Variants in GABRG3 observed in about 807,000 individuals in gnomAD.
GABRG3 encodes gamma-aminobutyric acid type A receptor subunit gamma3.
A neutral mutation model predicts 48.8 loss-of-function variants in GABRG3; 25 were observed. That is an observed-to-expected ratio of 0.51 (90% CI 0.37 to 0.72). The LOEUF (loss-of-function observed/expected upper bound fraction) is 0.72, where lower values mean the gene tolerates loss of function less well. Among genes scored for constraint, GABRG3 ranks in the 30% least tolerant of loss-of-function variants. The pLI, the probability that GABRG3 is intolerant of heterozygous loss-of-function variation, is 0.00. For synonymous variants in GABRG3, 227 were observed against 217.6 expected, an observed-to-expected ratio of 1.04 and a Z score of -0.38; for missense variants, 394 against 577.9, an observed-to-expected ratio of 0.68 and a Z score of 3.26.
intron 3 of GABRG3, among the ~76,000 whole-genome samples, chr15:27,285,254 G>GGTGTGTGTGTGTGT: frequency 7.0e-6 from 1 of 142,560 alleles, no homozygotes; most frequent in East Asian, 2.2e-4. Flanking sequence ...TGAGCTTTCA[G>GGTGTGTGTGTGTGT]GTGTGTGTGT....
Position 26,990,344 on chromosome 15 carries a change from G to A in GABRG3, c.202+13194G>A, listed in dbSNP as rs568570709. On this transcript the variant is annotated intron_variant, in intron 2 of 9. Transcript: ENST00000615808. ...AACTGGGGTGAGAGGATATCTCATAGTTTTGATTTGCATTTCTCTGATTAT... is the reference window on the plus strand; with the variant it reads ...AACTGGGGTGAGAGGATATCTCATAATTTTGATTTGCATTTCTCTGATTAT... 4.9e-4 allele frequency among the ~76,000 whole-genome samples: 74 copies of A among 152,310 alleles called. 1 individual carries two copies. The South Asian group carries it at 0.015, about 32-fold the overall frequency.
At chr15:27,328,974 G>C (rs1219301176) in intron 5 of GABRG3, 86 bp downstream of exon 5, 9 of 1,092,474 alleles carry the variant, frequency 8.2e-6, no homozygotes, top group Non-Finnish European at 1.3e-5. Context: ...TCATGTGATT[G>C]ATCACAGTGT....
chr15:27,017,836 C>G (rs1439281770), intron 2 of GABRG3, among the ~76,000 whole-genome samples: 1 of 152,158 alleles, frequency 6.6e-6, no homozygotes, highest in Non-Finnish European at 1.5e-5. Context: ...AAAGTAGGGT[C>G]TGGGGCTTTC....
At chr15:27,218,575 T>A (rs1382007679) in intron 3 of GABRG3, among the ~76,000 whole-genome samples, 1 of 152,186 alleles carries the variant, frequency 6.6e-6, no homozygotes, top group Non-Finnish European at 1.5e-5. Context: ...GCTCAGCGTC[T>A]CCACTCGGTT....
Position 27,535,784 on chromosome 15 carries a change from G to C in GABRG3, c.*2903G>C, listed in dbSNP as rs1891534042. ...GTGCCTTGGTGAGGTGCAGAGCTCA[G>C]GGGATTTTTAATCATGTACATGTTT... On this transcript the variant is annotated 3_prime_UTR_variant, in exon 10 of 10. Coordinates refer to ENST00000615808, the MANE Select transcript of GABRG3 (RefSeq NM_033223.5). 1 of 152,288 alleles carries C rather than the reference G, an allele frequency of 6.6e-6. No homozygotes were observed. Among genetic ancestry groups the C allele is most frequent in the Admixed American group, 6.5e-5 (1 of 15,286 alleles). The allele number at this position is 152,288 out of a possible 1,614,324, so 9.4% of individuals were successfully genotyped here.
intron 2 of GABRG3, among the ~76,000 whole-genome samples, chr15:26,989,618 A>G (rs559526274): frequency 6.6e-6 from 1 of 152,114 alleles, no homozygotes; most frequent in East Asian, 1.9e-4. Flanking sequence ...GTGTTTTTTT[A>G]TGTTACAAAC....
intron 6 of GABRG3, among the ~76,000 whole-genome samples, chr15:27,510,566 G>C (rs954769146): frequency 6.6e-6 from 1 of 152,162 alleles, no homozygotes; most frequent in South Asian, 2.1e-4. Flanking sequence ...GGCTTTCTCA[G>C]GATTCTCCTT....
At chr15:27,466,876 GA>G (rs1020444800) in intron 5 of GABRG3, among the ~76,000 whole-genome samples, 3 of 152,222 alleles carry the variant, frequency 2.0e-5, no homozygotes, top group African/African-American at 7.2e-5. Flanking sequence ...AGAGCCCAGT[GA>G]AAAGGGAAAA....
chr15:27,120,171 GATGCCAGATCTGCTTTTAC>G (rs1203888302), intron 3 of GABRG3, among the ~76,000 whole-genome samples: 34 of 152,216 alleles, frequency 2.2e-4, no homozygotes, highest in African/African-American at 6.5e-4. Context: ...TAGAAAGCCT[GATGCCAGATCTGCTTTTAC>G]ATGCCAGATC....
intron 2 of GABRG3, among the ~76,000 whole-genome samples, chr15:26,989,356 C>T (rs1474746140): frequency 6.6e-6 from 1 of 152,052 alleles, no homozygotes; most frequent in Non-Finnish European, 1.5e-5. Context: ...AGTGGATATT[C>T]TAAATAATGA....
intron 5 of GABRG3, among the ~76,000 whole-genome samples, chr15:27,428,548 C>G (rs1888358672): frequency 6.6e-6 from 1 of 152,218 alleles, no homozygotes; most frequent in African/African-American, 2.4e-5. Context: ...AATTTATTGA[C>G]ACTTTTTTTA....
chr15:27,463,915 C>T (rs1889525423), intron 5 of GABRG3, among the ~76,000 whole-genome samples: 3 of 152,126 alleles, frequency 2.0e-5, no homozygotes, highest in African/African-American at 7.2e-5. Flanking sequence ...AGCAAACCCA[C>T]GTGCCCCTCC....
intron 3 of GABRG3, among the ~76,000 whole-genome samples, chr15:27,046,879 T>C (rs1896375040): frequency 6.6e-6 from 1 of 152,038 alleles, no homozygotes; most frequent in Admixed American, 6.5e-5. Flanking sequence ...AGGAATTTGA[T>C]GTTTTCAGAC....
chr15:27,222,581 G>A (rs1566970405), intron 3 of GABRG3, among the ~76,000 whole-genome samples: 1 of 152,166 alleles, frequency 6.6e-6, no homozygotes, highest in African/African-American at 2.4e-5. Context: ...TAGTCACTTA[G>A]TCTCTCAGTG....
At chr15:27,034,129 T>C (rs1214299283) in intron 3 of GABRG3, among the ~76,000 whole-genome samples, 1 of 152,220 alleles carries the variant, frequency 6.6e-6, no homozygotes, top group Non-Finnish European at 1.5e-5. Context: ...CATACACAAC[T>C]TACCCTGTAT....
At chr15:27,375,627 C>T (rs1895570156) in intron 5 of GABRG3, among the ~76,000 whole-genome samples, 1 of 152,146 alleles carries the variant, frequency 6.6e-6, no homozygotes, top group Non-Finnish European at 1.5e-5. Context: ...GCACATCTTG[C>T]ATAGGAGCAG....
intron 5 of GABRG3, among the ~76,000 whole-genome samples, chr15:27,388,700 A>C (rs143032290): frequency 9.8e-4 from 149 of 152,274 alleles, no homozygotes; most frequent in African/African-American, 3.3e-3. Flanking sequence ...TCTGCAGTAG[A>C]AGTGTGTGGA....
intron 3 of GABRG3, among the ~76,000 whole-genome samples, chr15:27,156,149 A>G (rs964609746): frequency 3.3e-5 from 5 of 151,560 alleles, no homozygotes; most frequent in Non-Finnish European, 5.9e-5. Context: ...AATACAAAAA[A>G]TTAGCTGGGT....
rs1208404293 is a variant in GABRG3, at chr15:27,537,127, A to T, written c.*4246A>T. 17 of 119,016 alleles carry T rather than the reference A, an allele frequency of 1.4e-4. No individual in the cohort carries two copies. The East Asian group carries it at 3.7e-3, about 26-fold the overall frequency. The allele number at this position is 119,016 out of a possible 1,614,324, so 7.4% of individuals were successfully genotyped here. A position where few individuals can be genotyped will look rare whatever the true frequency, so the allele number is the denominator to read the frequency against. ...GAAATTTCATCTGCAATTTCTGTAA[A>T]AAAAAAAAAAAAAAAAAAGAATGGC... On this transcript the variant is annotated 3_prime_UTR_variant, in exon 10 of 10. Coordinates refer to ENST00000615808, the MANE Select transcript of GABRG3 (RefSeq NM_033223.5).
Sources: allele counts gnomAD v4.1 joint callset (sites outside exome capture counted in the v4.1 genomes callset), GRCh38; gene constraint gnomAD v4.1.1; transcripts MANE v1.5; gene names NCBI Gene and HGNC (gene_info 2026-07-23, HGNC 2026-07-21).